The following TTI1 variants were observed in gnomAD, a reference collection of about 807,000 sequenced individuals.
TTI1 encodes the protein TELO2-interacting protein 1 homolog.
A neutral mutation model predicts 85.4 loss-of-function variants in TTI1; 52 were observed. That is an observed-to-expected ratio of 0.61 (90% CI 0.49 to 0.77). TTI1 has a LOEUF of 0.77. Among genes scored for constraint, TTI1 ranks in the 30% least tolerant of loss-of-function variants. TTI1 has a pLI of 0.00. For synonymous variants in TTI1, 512 were observed against 503.9 expected (o/e 1.02, Z -0.22); for missense variants, 1,173 against 1,296.0 (o/e 0.91, Z 1.46).
chr20:38,006,662 A>T (rs930673051), intron 2 of TTI1, among the ~76,000 whole-genome samples: 1 of 152,190 alleles, frequency 6.6e-6, no homozygotes. Flanking sequence ...GTTAACTCCA[A>T]ATCACTTTTC....
chr20:38,013,005 A>G lies in TTI1; in HGVS notation c.812T>C (p.Leu271Pro), dbSNP rs1396521046. ...KPAVEHRVAE[L>P]MVYREADWVK... ...CCAATCTGCTTCCCTGTAAACCATCAGCTCTGCTACTCTGTGCTCAACTGC... is the reference window on the plus strand; with the variant it reads ...CCAATCTGCTTCCCTGTAAACCATCGGCTCTGCTACTCTGTGCTCAACTGC... Residue 271 changes from leucine (L) to proline (P), a missense_variant, in exon 2 of 8, where the codon CTG becomes CCG. By Grantham distance (98) the Leu-to-Pro change is moderately conservative. Transcript: ENST00000373447. The G allele has an allele frequency of 1.9e-6, 3 of 1,613,884 alleles. No individual in the cohort carries two copies. Among genetic ancestry groups the G allele is most frequent in the Admixed American group, 3.3e-5 (2 of 59,996 alleles).
At position 38,012,556 on chromosome 20, in the gene TTI1, A is replaced by T; in HGVS notation, c.1261T>A (p.Ser421Thr). ...LGPKINFVLN[S>T]VAHLQRLSKA... The stretch of plus-strand genomic sequence containing the variant: ...GAAAGCCGCTGGAGATGGGCCACAG[A>T]GTTGAGGACAAAGTTTATTTTTGGG... Residue 421 changes from serine (S) to threonine (T), a missense_variant, in exon 2 of 8, where the codon TCT becomes ACT. Ser to Thr is a moderately conservative substitution (Grantham distance 58). Coordinates refer to ENST00000373447, the MANE Select transcript of TTI1 (RefSeq NM_001303457.2). 2 of 1,614,204 alleles carry T rather than the reference A, an allele frequency of 1.2e-6. No individual in the cohort carries two copies. Among genetic ancestry groups the T allele is most frequent in the Non-Finnish European group, 1.7e-6 (2 of 1,180,042 alleles).
Position 38,002,737 on chromosome 20 carries a change from G to C in TTI1, c.2543C>G (p.Thr848Ser), listed in dbSNP as rs1168483622. 2 of 1,614,238 alleles carry C rather than the reference G, an allele frequency of 1.2e-6. No individual in the cohort carries two copies. The highest frequency in any genetic ancestry group is 8.5e-7 in the Non-Finnish European group (1 of 1,180,042). ...SVPPKVDEND[T>S]RPDVEPPLPL... is the part of the protein sequence containing the mutation. ...CAGTGGTGGCTCCACATCTGGACGG[G>C]TGTCATTCTCATCCACTTTGGGAGG... Residue 848 changes from threonine (T) to serine (S), a missense_variant, in exon 4 of 8, where the codon ACC becomes AGC. Thr to Ser is a moderately conservative substitution (Grantham distance 58, BLOSUM62 1). Coordinates refer to ENST00000373447, the MANE Select transcript of TTI1 (RefSeq NM_001303457.2).
At chr20:38,024,366 T>A (rs1228744883) in intron 1 of TTI1, among the ~76,000 whole-genome samples, 1 of 152,118 alleles carries the variant, frequency 6.6e-6, no homozygotes, top group African/African-American at 2.4e-5. Flanking sequence ...TTTTGTTAAG[T>A]ATAACTAAAA....
intron 6 of TTI1, 61 bp from the exon 7 acceptor site, chr20:37,996,523 A>T: frequency 6.3e-7 from 1 of 1,585,088 alleles, no homozygotes; most frequent in Non-Finnish European, 8.6e-7. Context: ...ACAAGCAGTG[A>T]CCAACTGTGT....
intron 1 of TTI1, among the ~76,000 whole-genome samples, chr20:38,025,287 G>A (rs2073822160): frequency 6.6e-6 from 1 of 152,190 alleles, no homozygotes; most frequent in East Asian, 1.9e-4. Context: ...AAAGACAATC[G>A]GTATGCCGTG....
intron 2 of TTI1, among the ~76,000 whole-genome samples, chr20:38,006,699 C>T (rs1382814133): frequency 1.3e-5 from 2 of 152,206 alleles, no homozygotes; most frequent in African/African-American, 2.4e-5. Flanking sequence ...AGAACTTGCC[C>T]GATAAGGCCC....
intron 2 of TTI1, among the ~76,000 whole-genome samples, chr20:38,006,641 C>T (rs11700024): frequency 0.016 from 2,475 of 152,296 alleles, 27 homozygotes; most frequent in Middle Eastern, 0.051. Context: ...CTCCCATCTA[C>T]TTCACATCTG....
chr20:37,997,597 T>C (rs533680070), intron 5 of TTI1, among the ~76,000 whole-genome samples: 2 of 152,340 alleles, frequency 1.3e-5, no homozygotes, highest in South Asian at 4.1e-4. Context: ...TTGAAATGTT[T>C]TGCCCTGCTG....
intron 7 of TTI1, among the ~76,000 whole-genome samples, chr20:37,995,831 C>G (rs990022721): frequency 3.5e-4 from 53 of 152,216 alleles, no homozygotes; most frequent in African/African-American, 1.3e-3. Context: ...ATTAGTCTGG[C>G]AACTCTTAAG....
chr20:37,987,883 G>A (rs1051106304), intron 7 of TTI1, among the ~76,000 whole-genome samples: 2 of 152,208 alleles, frequency 1.3e-5, no homozygotes, highest in Non-Finnish European at 2.9e-5. Context: ...CAAACCAGAA[G>A]TGGCTCCTTC....
intron 1 of TTI1, among the ~76,000 whole-genome samples, chr20:38,015,757 C>T (rs944278797): frequency 4.6e-5 from 7 of 152,174 alleles, no homozygotes; most frequent in Non-Finnish European, 8.8e-5. Flanking sequence ...TTTAAAAAGA[C>T]AGTTAATTGC....
rs144216673 is a variant in TTI1, at chr20:37,987,465, A to G, written c.3087-3826T>C. 3,452 of 405,908 alleles carry G rather than the reference A, an allele frequency of 8.5e-3. 24 individuals carry two copies. Among genetic ancestry groups the G allele is most frequent in the Non-Finnish European group, 0.011 (2,283 of 204,618 alleles). 25.1% of individuals were successfully genotyped at this position (405,908 alleles called of 1,614,324 possible). ...CAAAGAGAAACACTTTTTAAAAAAT[A>G]TATGTACACCATTTAACTCCTGAAC... On this transcript the variant is annotated intron_variant, in intron 7 of 7. Transcript: ENST00000373447.
chr20:37,998,217 C>T (rs182697009), intron 5 of TTI1, among the ~76,000 whole-genome samples: 53 of 152,054 alleles, frequency 3.5e-4, no homozygotes, highest in Non-Finnish European at 6.9e-4. Context: ...CATGAGCCAC[C>T]GCGACTGGCC....
At chr20:38,002,154 CACT>C (rs1202592336) in intron 4 of TTI1, among the ~76,000 whole-genome samples, 1 of 152,134 alleles carries the variant, frequency 6.6e-6, no homozygotes, top group Non-Finnish European at 1.5e-5. Context: ...TTATTGCAGT[CACT>C]ACTACATGCT....
chr20:38,031,350 C>T (rs1250702558), intron 1 of TTI1, among the ~76,000 whole-genome samples: 1 of 152,232 alleles, frequency 6.6e-6, no homozygotes, highest in Admixed American at 6.5e-5. Flanking sequence ...GTTCATATCA[C>T]TCCAGCTTTA....
intron 7 of TTI1, among the ~76,000 whole-genome samples, chr20:37,994,017 T>C: frequency 6.6e-6 from 1 of 152,130 alleles, no homozygotes; most frequent in East Asian, 1.9e-4. Context: ...GTAGGCGGGC[T>C]TTACTTTTGG....
At chr20:37,991,966 A>G (rs980743365) in intron 7 of TTI1, among the ~76,000 whole-genome samples, 7 of 152,238 alleles carry the variant, frequency 4.6e-5, no homozygotes, top group African/African-American at 1.7e-4. Context: ...CATTTGCTCA[A>G]GGTCACATGG....
At chr20:38,000,154 G>A (rs949795813) in intron 4 of TTI1, among the ~76,000 whole-genome samples, 4 of 152,282 alleles carry the variant, frequency 2.6e-5, no homozygotes, top group Admixed American at 2.6e-4. Flanking sequence ...GGGGAAGTGA[G>A]GGTTTGAAAA....
Sources: gnomAD v4.1 joint callset for allele counts (sites outside exome capture counted in the v4.1 genomes callset) on GRCh38, gnomAD v4.1.1 for gene constraint, MANE v1.5 for transcripts, NCBI Gene and HGNC (gene_info 2026-07-23, HGNC 2026-07-21) for gene names.